Variants in CLNK observed in about 807,000 individuals in gnomAD.
CLNK encodes cytokine dependent hematopoietic cell linker, also known as cytokine-dependent hematopoietic cell linker.
In CLNK, 74 loss-of-function variants were observed where a neutral mutation model predicts 68.6. The observed-to-expected ratio is 1.08, with a 90% CI of 0.89 to 1.31. The LOEUF is 1.31. CLNK is among the 50% of genes most tolerant of loss of function. CLNK has a pLI of 0.00. For synonymous variants in CLNK, 198 were observed against 172.2 expected (o/e 1.15, Z -1.17); for missense variants, 553 against 515.3 (o/e 1.07, Z -0.71).
intron 3 of CLNK, among the ~76,000 whole-genome samples, chr4:10,588,888 A>T (rs1223616951): frequency 6.6e-6 from 1 of 152,098 alleles, no homozygotes; most frequent in East Asian, 1.9e-4. Flanking sequence ...CGTCTAAAAT[A>T]GTCAAACCTA....
chr4:10,705,448 C>T, the CLNK span, among the ~76,000 whole-genome samples: 731 of 152,260 alleles, frequency 4.8e-3, 3 homozygotes, highest in Middle Eastern at 0.01. Flanking sequence ...GGGCTAAAAC[C>T]CAGGTGGAAG....
chr4:10,695,192 C>T, the CLNK span, among the ~76,000 whole-genome samples: 1 of 151,858 alleles, frequency 6.6e-6, no homozygotes, highest in African/African-American at 2.4e-5. Context: ...ATGTTTCCAT[C>T]ACAAAGAAAG....
chr4:10,578,580 T>A (rs1473207869), intron 4 of CLNK, among the ~76,000 whole-genome samples: 2 of 4,970 alleles, frequency 4.0e-4, no homozygotes, highest in Non-Finnish European at 2.1e-3. Flanking sequence ...TTACCTTATC[T>A]TTTTTTTTTT....
In CLNK at chr4:10,489,196, G is replaced by GT. The variant is rs1320488827; in HGVS notation, c.*1270dup. The GT allele has an allele frequency of 6.6e-6, 1 of 152,040 alleles. No individual in the cohort carries two copies. The highest frequency in any genetic ancestry group is 1.5e-5 in the Non-Finnish European group (1 of 68,004). 9.4% of individuals were successfully genotyped at this position (152,040 alleles called of 1,614,324 possible). ...AATCTGGGCTCTCTTCTCATATTGA[G>GT]TAAGATCAATAGCTACTTCGAGCCT... On this transcript the variant is annotated 3_prime_UTR_variant, in exon 19 of 19. Transcript: ENST00000226951.
intron 3 of CLNK, among the ~76,000 whole-genome samples, chr4:10,596,718 CA>C (rs940309076): frequency 1.3e-5 from 2 of 151,956 alleles, no homozygotes; most frequent in African/African-American, 2.4e-5. Flanking sequence ...GAACAGGTTG[CA>C]AAAACATCAT....
intron 2 of CLNK, among the ~76,000 whole-genome samples, chr4:10,601,756 G>A (rs570048731): frequency 6.6e-6 from 1 of 152,308 alleles, no homozygotes; most frequent in South Asian, 2.1e-4. Context: ...TTTGGGGCCA[G>A]CTGCCTTTCC....
intron 8 of CLNK, among the ~76,000 whole-genome samples, chr4:10,548,057 A>G (rs1005799534): frequency 2.0e-5 from 3 of 151,986 alleles, no homozygotes; most frequent in African/African-American, 7.3e-5. Context: ...TTTAGAGGAA[A>G]CTCCATTCTG....
In CLNK at chr4:10,497,503, G is replaced by A. The variant is rs552657295; in HGVS notation, c.1140+3753C>T. 5.9e-5 allele frequency among the ~76,000 whole-genome samples: 9 copies of A among 152,334 alleles called. No homozygotes were observed. In the East Asian group the frequency reaches 1.7e-3, roughly 29 times the overall value. On this transcript the variant is annotated intron_variant, in intron 18 of 18. Transcript: ENST00000226951. Reference sequence around the variant, plus strand: ...CATTTGGTTCTCTCAGGGTTCCTTGGTGACAGTAATTAGAGCAGCTCATCT... The same window carrying A: ...CATTTGGTTCTCTCAGGGTTCCTTGATGACAGTAATTAGAGCAGCTCATCT...
At chr4:10,549,550 A>G (rs1008901943) in intron 8 of CLNK, among the ~76,000 whole-genome samples, 3 of 152,214 alleles carry the variant, frequency 2.0e-5, no homozygotes, top group Non-Finnish European at 2.9e-5. Flanking sequence ...GGAGTGAATG[A>G]ATTTCCCCAT....
chr4:10,584,571 A>T (rs1372242109), intron 4 of CLNK, among the ~76,000 whole-genome samples: 1 of 152,230 alleles, frequency 6.6e-6, no homozygotes, highest in Non-Finnish European at 1.5e-5. Context: ...GTAACCAATT[A>T]TATGGAATTT....
chr4:10,592,179 C>A (rs539003346), intron 3 of CLNK, among the ~76,000 whole-genome samples: 13 of 152,282 alleles, frequency 8.5e-5, no homozygotes, highest in African/African-American at 2.9e-4. Context: ...TATTGTAAAA[C>A]CTTACTTGAG....
At chr4:10,688,465 G>A (rs764840235), upstream of CLNK, among the ~76,000 whole-genome samples, 5 of 152,160 alleles carry the variant, frequency 3.3e-5, no homozygotes, top group Non-Finnish European at 4.4e-5. Flanking sequence ...TGGATGGCTG[G>A]GAAAGAGCTT....
chr4:10,486,680 A>ACACAGG lies in CLNK; in HGVS notation c.*3781_*3786dup, dbSNP rs1198570468. On this transcript the variant is annotated 3_prime_UTR_variant, in exon 19 of 19. Coordinates refer to ENST00000226951, the MANE Select transcript of CLNK (RefSeq NM_052964.4). Reference sequence around the variant, plus strand: ...CTTAAAAACACACACACACACACGCACACAGGCACAGGCACACACATGCAC... The same window carrying ACACAGG: ...CTTAAAAACACACACACACACACGCACACAGGCACAGGCACAGGCACACACATGCAC... 3 of 152,186 alleles carry ACACAGG rather than the reference A, an allele frequency of 2.0e-5. No individual in the cohort carries two copies. The highest frequency in any genetic ancestry group is 4.4e-5 in the Non-Finnish European group (3 of 68,048). 9.4% of individuals were successfully genotyped at this position (152,186 alleles called of 1,614,324 possible). A position where few individuals can be genotyped will look rare whatever the true frequency, so the allele number is the denominator to read the frequency against.
upstream of CLNK, chr4:10,685,093 A>C (rs1050897871): frequency 6.6e-6 from 1 of 152,180 alleles, no homozygotes; most frequent in Admixed American, 6.5e-5. Context: ...TTATATGAAT[A>C]GTGGACATTA....
intron 4 of CLNK, among the ~76,000 whole-genome samples, chr4:10,573,782 C>A (rs1163058603): frequency 6.6e-6 from 1 of 152,116 alleles, no homozygotes; most frequent in Admixed American, 6.5e-5. Flanking sequence ...AGCGTTCCAG[C>A]CTGAGACTCT....
intron 6 of CLNK, among the ~76,000 whole-genome samples, 189 bp from the exon 7 acceptor site, chr4:10,564,966 C>CA (rs1010482638): frequency 2.0e-5 from 3 of 152,068 alleles, no homozygotes; most frequent in African/African-American, 7.2e-5. Context: ...TCAGTGCACA[C>CA]AAAAAAATGC....
chr4:10,689,744 C>CTTTTTTTTTTTTTT (rs1560280654), upstream of CLNK, among the ~76,000 whole-genome samples: 8 of 26,922 alleles, frequency 3.0e-4, no homozygotes, highest in African/African-American at 8.1e-4. Context: ...AAAACCCATG[C>CTTTTTTTTTTTTTT]ATTTTTTTTT....
intron 2 of CLNK, among the ~76,000 whole-genome samples, chr4:10,637,540 T>A (rs1410235461): frequency 5.9e-5 from 8 of 136,090 alleles, no homozygotes; most frequent in African/African-American, 2.1e-4. Context: ...ATGTCCTACC[T>A]CTCCAAAAGA....
intron 14 of CLNK, among the ~76,000 whole-genome samples, chr4:10,522,034 G>A (rs1286181148): frequency 3.9e-5 from 6 of 151,914 alleles, no homozygotes; most frequent in African/African-American, 1.2e-4. Flanking sequence ...TGAGGCAGGC[G>A]GATCACAAGG....
Sources: gnomAD v4.1 joint callset for allele counts (sites outside exome capture counted in the v4.1 genomes callset) on GRCh38, gnomAD v4.1.1 for gene constraint, MANE v1.5 for transcripts, NCBI Gene and HGNC (gene_info 2026-07-23, HGNC 2026-07-21) for gene names.